TNS3: variants seen among roughly 807,000 people sequenced by gnomAD.
The protein encoded by TNS3 is tensin-3.
A neutral mutation model predicts 140.9 loss-of-function variants in TNS3; 45 were observed. The observed-to-expected ratio is 0.32, with a 90% CI of 0.25 to 0.41. The LOEUF (loss-of-function observed/expected upper bound fraction) is 0.41. Among genes scored for constraint, TNS3 ranks in the 10% least tolerant of loss-of-function variants. TNS3 has a pLI of 1.00. For missense variants in TNS3, 1,716 were observed against 1,906.7 expected, an observed-to-expected ratio of 0.90 and a Z score of 1.86; for synonymous variants, 815 against 788.4, an observed-to-expected ratio of 1.03 and a Z score of -0.56.
intron 9 of TNS3, among the ~76,000 whole-genome samples, chr7:47,425,637 T>C (rs1794607866): frequency 6.6e-6 from 1 of 152,216 alleles, no homozygotes; most frequent in Admixed American, 6.5e-5. Flanking sequence ...TGCAGCTCCA[T>C]AGCCTCCCAG....
intron 10 of TNS3, among the ~76,000 whole-genome samples, chr7:47,417,899 A>C (rs532546425): frequency 3.0e-4 from 45 of 152,366 alleles, no homozygotes; most frequent in Non-Finnish European, 5.9e-4. Context: ...ATGAGATTGC[A>C]GACAGATAGC....
At chr7:47,382,143 C>A (rs1438963930) in intron 16 of TNS3, among the ~76,000 whole-genome samples, 2 of 152,176 alleles carry the variant, frequency 1.3e-5, no homozygotes, top group East Asian at 3.8e-4. Flanking sequence ...TACCTTTATC[C>A]ATTTCTAATG....
intron 16 of TNS3, among the ~76,000 whole-genome samples, chr7:47,388,727 A>G (rs1792217427): frequency 6.6e-6 from 1 of 152,006 alleles, no homozygotes; most frequent in Non-Finnish European, 1.5e-5. Context: ...TTAGCTGGGC[A>G]TGGTGGCAGG....
intron 16 of TNS3, among the ~76,000 whole-genome samples, chr7:47,379,585 CT>C (rs1169929343): frequency 1.3e-5 from 2 of 152,038 alleles, no homozygotes; most frequent in East Asian, 1.9e-4. Flanking sequence ...CCCTTTTCCT[CT>C]TTTTTTATTT....
intron 3 of TNS3, among the ~76,000 whole-genome samples, chr7:47,483,305 G>A (rs1485392525): frequency 1.3e-5 from 2 of 152,008 alleles, no homozygotes; most frequent in Non-Finnish European, 2.9e-5. Context: ...GAGTAGCTGG[G>A]ACTACAGGCG....
intron 20 of TNS3, among the ~76,000 whole-genome samples, chr7:47,336,088 G>A (rs76722723): frequency 0.065 from 9,832 of 151,866 alleles, 390 homozygotes; most frequent in South Asian, 0.13. Flanking sequence ...TGCTGAATGC[G>A]GAAAATCTTT....
At chr7:47,294,848 C>T (rs1466762534) in intron 24 of TNS3, among the ~76,000 whole-genome samples, 2 of 152,176 alleles carry the variant, frequency 1.3e-5, no homozygotes, top group African/African-American at 4.8e-5. Flanking sequence ...GAAAATGACG[C>T]CTGGCTTCCA....
chr7:47,471,130 T>C (rs1244307229), intron 4 of TNS3, among the ~76,000 whole-genome samples: 1 of 152,082 alleles, frequency 6.6e-6, no homozygotes, highest in Admixed American at 6.5e-5. Flanking sequence ...GCCTGTATGT[T>C]ATTTTAGGCG....
chr7:47,303,200 G>C lies in TNS3; in HGVS notation c.3207C>G (p.Asn1069Lys), dbSNP rs1187304794. 6.2e-7 allele frequency: 1 copy of C among 1,613,512 alleles called. No homozygotes were observed. The highest frequency in any genetic ancestry group is 1.3e-5 in the African/African-American group (1 of 74,952). Reference protein sequence around the residue: ...GAADNGFLSHNFLTVAPGHSS... With the variant: ...GAADNGFLSHKFLTVAPGHSS... ...TGTGTCCAGGCGCCACCGTGAGAAAGTTGTGGGACAGGAAGCCATTGTCGG... is the reference window on the plus strand; with the variant it reads ...TGTGTCCAGGCGCCACCGTGAGAAACTTGTGGGACAGGAAGCCATTGTCGG... Residue 1069 changes from asparagine to lysine, a missense_variant, in exon 22 of 31, where the codon AAC (asparagine) becomes AAG (lysine). Transcript: ENST00000311160.
chr7:47,501,878 TGA>T (rs932676481), intron 3 of TNS3, among the ~76,000 whole-genome samples: 4 of 151,962 alleles, frequency 2.6e-5, no homozygotes, highest in Admixed American at 1.3e-4. Context: ...CATCATTTCA[TGA>T]GAGAGAAATA....
intron 4 of TNS3, among the ~76,000 whole-genome samples, chr7:47,447,770 G>A (rs990145399): frequency 3.9e-5 from 6 of 152,104 alleles, no homozygotes; most frequent in Admixed American, 3.3e-4. Flanking sequence ...ATCCCACAGC[G>A]CCCCACCCCA....
At chr7:47,530,838 A>AAAAAAAAATATATAT in intron 1 of TNS3, among the ~76,000 whole-genome samples, 1 of 54,564 alleles carries the variant, frequency 1.8e-5, no homozygotes, top group African/African-American at 7.9e-5. Flanking sequence ...AAAAAAAAAA[A>AAAAAAAAATATATAT]ATATATATAT....
chr7:47,425,958 T>C (rs1307169479), intron 9 of TNS3, among the ~76,000 whole-genome samples: 1 of 152,044 alleles, frequency 6.6e-6, no homozygotes, highest in African/African-American at 2.4e-5. Context: ...AAAATATATG[T>C]ATAAGAATGT....
intron 2 of TNS3, among the ~76,000 whole-genome samples, chr7:47,514,202 G>A (rs1320489949): frequency 1.3e-5 from 2 of 152,226 alleles, no homozygotes; most frequent in Admixed American, 6.5e-5. Flanking sequence ...AACCCACAGC[G>A]GGGGACCGCC....
At chr7:47,476,566 T>C (rs1432823773) in intron 4 of TNS3, among the ~76,000 whole-genome samples, 1 of 152,026 alleles carries the variant, frequency 6.6e-6, no homozygotes, top group Non-Finnish European at 1.5e-5. Context: ...AAGCCAGAGG[T>C]CCCAATGAGG....
At chr7:47,544,721 G>T (rs1799875465) in intron 1 of TNS3, among the ~76,000 whole-genome samples, 1 of 152,048 alleles carries the variant, frequency 6.6e-6, no homozygotes, top group South Asian at 2.1e-4. Flanking sequence ...TGCTACCAAT[G>T]GGTGTCCCAG....
intron 20 of TNS3, among the ~76,000 whole-genome samples, chr7:47,342,006 T>A (rs1278150183): frequency 6.6e-6 from 1 of 152,162 alleles, no homozygotes; most frequent in East Asian, 1.9e-4. Flanking sequence ...AGTTTCCAAG[T>A]GTTGAAGGTG....
At chr7:47,578,036 G>A (rs529294868) in intron 1 of TNS3, among the ~76,000 whole-genome samples, 4 of 151,798 alleles carry the variant, frequency 2.6e-5, no homozygotes, top group South Asian at 2.1e-4. Flanking sequence ...AAAATCGGCC[G>A]GGCACAGTGG....
chr7:47,320,310 C>G (rs1441375579), intron 20 of TNS3, among the ~76,000 whole-genome samples: 1 of 152,170 alleles, frequency 6.6e-6, no homozygotes, highest in Non-Finnish European at 1.5e-5. Flanking sequence ...AAACATGATT[C>G]TTGGGTTTCC....
Sources: gnomAD v4.1 joint callset for allele counts (sites outside exome capture counted in the v4.1 genomes callset) on GRCh38, gnomAD v4.1.1 for gene constraint, MANE v1.5 for transcripts, NCBI Gene and HGNC (gene_info 2026-07-23, HGNC 2026-07-21) for gene names.